The following NELL1 variants were observed in gnomAD, a reference collection of about 807,000 sequenced individuals.
The protein encoded by NELL1 is protein kinase C-binding protein NELL1.
A neutral mutation model predicts 107.4 loss-of-function variants in NELL1; 76 were observed. The observed-to-expected ratio is 0.71, with a 90% confidence interval of 0.59 to 0.86. The LOEUF (loss-of-function observed/expected upper bound fraction) is 0.86, where lower values mean the gene tolerates loss of function less well. Ranked by LOEUF, NELL1 falls within the 40% of genes least tolerant of loss-of-function variation. The pLI, the probability that NELL1 is intolerant of heterozygous loss-of-function variation, is 0.00. For synonymous variants in NELL1, 353 were observed against 341.2 expected (o/e 1.03, Z -0.38); for missense variants, 1,024 against 1,005.5 (o/e 1.02, Z -0.25).
At chr11:21,443,505 T>A (rs971644615) in intron 15 of NELL1, among the ~76,000 whole-genome samples, 1 of 125,204 alleles carries the variant, frequency 8.0e-6, no homozygotes, top group Non-Finnish European at 1.6e-5. Context: ...GAAAAAAAAA[T>A]AATATCCATA....
intron 5 of NELL1, among the ~76,000 whole-genome samples, chr11:20,896,527 T>G (rs1849742049): frequency 6.6e-6 from 1 of 152,188 alleles, no homozygotes; most frequent in Non-Finnish European, 1.5e-5. Flanking sequence ...ATTTCCACTT[T>G]TGGTTCTTTA....
Position 21,113,573 on chromosome 11 carries a change from AT to A in NELL1, c.1301-8del, listed in dbSNP as rs3834446. ...TATTTTGCTAACCATGATCTTACTT[AT>A]TTTTTTTCCTTCAGATATTGATGAG... is the stretch of plus-strand genomic sequence containing the variant. On this transcript the variant is annotated splice_polypyrimidine_tract_variant and intron_variant, in intron 12 of 19. Transcript: ENST00000357134. The A allele has an allele frequency of 3.7e-5, 59 of 1,602,600 alleles. 1 individual carries two copies. Among genetic ancestry groups the A allele is most frequent in the East Asian group, 2.7e-4 (12 of 44,504 alleles).
chr11:21,200,607 T>C (rs199683418), intron 13 of NELL1, among the ~76,000 whole-genome samples: 1 of 152,244 alleles, frequency 6.6e-6, no homozygotes, highest in Non-Finnish European at 1.5e-5. Flanking sequence ...GATGATAGTT[T>C]CTTTTGCTGT....
intron 12 of NELL1, among the ~76,000 whole-genome samples, chr11:21,025,729 GA>G (rs1452509281): frequency 6.6e-6 from 1 of 152,056 alleles, no homozygotes; most frequent in Admixed American, 6.6e-5. Context: ...GTTTACATCT[GA>G]TTTCAGCCTA....
rs143577170 is a variant in NELL1 at position 21,191,457 on chromosome 11, G to T, written c.1427-37875G>T. On this transcript the variant is annotated intron_variant, in intron 13 of 19. Transcript: ENST00000357134. Reference sequence around the variant, plus strand: ...AAGTCCGCCAAAAGAAAACAACACTGCCAGTACCTTTTTAGCCCAGTGAGA... The same window carrying T: ...AAGTCCGCCAAAAGAAAACAACACTTCCAGTACCTTTTTAGCCCAGTGAGA... 1.5e-3 allele frequency among the ~76,000 whole-genome samples: 225 copies of T among 151,922 alleles called. 7 individuals carry two copies. The highest frequency in any genetic ancestry group is 5.3e-3 in the African/African-American group (218 of 41,264).
chr11:21,537,072 G>C (rs543696139), intron 16 of NELL1, among the ~76,000 whole-genome samples: 2 of 152,134 alleles, frequency 1.3e-5, no homozygotes, highest in African/African-American at 4.8e-5. Context: ...TTGGGTAGTA[G>C]TCTGAATTTC....
At position 21,113,708 on chromosome 11, in the gene NELL1, T is replaced by C; in HGVS notation, c.1420T>C (p.Cys474Arg). 6.2e-7 allele frequency: 1 copy of C among 1,611,194 alleles called. No individual in the cohort carries two copies. The highest frequency in any genetic ancestry group is 1.3e-5 in the African/African-American group (1 of 74,870). ...PGYIRVDDFS[C>R]TEHDECGSGQ... Reference sequence around the variant, plus strand: ...ATACATTCGTGTGGATGACTTCTCTTGTACAGGTGAGCTTTAAGAAGCAGT... The same window carrying C: ...ATACATTCGTGTGGATGACTTCTCTCGTACAGGTGAGCTTTAAGAAGCAGT... Residue 474 changes from cysteine to arginine, a missense_variant, in exon 13 of 20, where the codon TGT becomes CGT. Physicochemically the swap from Cys to Arg is radical, Grantham distance 180. Coordinates refer to ENST00000357134, the MANE Select transcript of NELL1 (RefSeq NM_006157.5).
intron 12 of NELL1, among the ~76,000 whole-genome samples, chr11:21,111,182 T>G (rs960966458): frequency 6.6e-6 from 1 of 152,100 alleles, no homozygotes; most frequent in Non-Finnish European, 1.5e-5. Flanking sequence ...TGTTGAAAGA[T>G]CTCACATCCT....
At chr11:21,012,808 G>C (rs78408326) in intron 12 of NELL1, among the ~76,000 whole-genome samples, 4,190 of 152,110 alleles carry the variant, frequency 0.028, 157 homozygotes, top group African/African-American at 0.087. Flanking sequence ...CCATTTACGA[G>C]TCTGAATGAT....
At chr11:21,189,276 T>C (rs1199615803) in intron 13 of NELL1, among the ~76,000 whole-genome samples, 1 of 151,972 alleles carries the variant, frequency 6.6e-6, no homozygotes, top group East Asian at 1.9e-4. Context: ...AGTCTCCTTC[T>C]GTTATGTGCA....
At chr11:21,195,401 A>C (rs1857130994) in intron 13 of NELL1, among the ~76,000 whole-genome samples, 1 of 152,108 alleles carries the variant, frequency 6.6e-6, no homozygotes, top group African/African-American at 2.4e-5. Flanking sequence ...GACTTTCAAG[A>C]TAAACCCCAT....
chr11:20,730,152 G>A (rs1789857497), intron 2 of NELL1, among the ~76,000 whole-genome samples: 2 of 152,168 alleles, frequency 1.3e-5, no homozygotes, highest in African/African-American at 2.4e-5. Context: ...GCAGATCCAA[G>A]TTTGATTCCT....
intron 2 of NELL1, chr11:20,769,528 T>A (rs534193414): frequency 6.6e-6 from 1 of 152,382 alleles, no homozygotes; most frequent in East Asian, 1.9e-4. Context: ...ACTGAGTCCA[T>A]CTTAATCACC....
intron 15 of NELL1, among the ~76,000 whole-genome samples, chr11:21,500,413 C>A (rs1855105733): frequency 6.6e-6 from 1 of 152,064 alleles, no homozygotes; most frequent in Admixed American, 6.6e-5. Flanking sequence ...TTTATGAGAT[C>A]TAATGATTAT....
chr11:21,390,933 C>T (rs761744987), intron 15 of NELL1, among the ~76,000 whole-genome samples: 7 of 151,546 alleles, frequency 4.6e-5, no homozygotes, highest in Non-Finnish European at 1.0e-4. Context: ...TTTTTTTCAA[C>T]ATCATCTCTT....
chr11:20,917,991 A>G (rs1850294112), intron 5 of NELL1, among the ~76,000 whole-genome samples, 191 bp from the exon 6 acceptor site: 1 of 151,996 alleles, frequency 6.6e-6, no homozygotes, highest in Non-Finnish European at 1.5e-5. Context: ...TTCTCCACAT[A>G]AATGTACAAT....
rs1045752477 is a variant in NELL1, at chr11:21,097,803, T to A, written c.1301-15786T>A. Among the ~76,000 whole-genome samples the A allele has an allele frequency of 5.3e-5, 8 of 152,190 alleles. No individual in the cohort carries two copies. In the East Asian group the frequency reaches 1.2e-3, roughly 22 times the overall value. On this transcript the variant is annotated intron_variant, in intron 12 of 19. Coordinates refer to ENST00000357134, the MANE Select transcript of NELL1 (RefSeq NM_006157.5). ...TGTGTTAAAACTGCATGAGTTATCA[T>A]GTCATTTCCTAGCTTAAAAACTTAA...
At chr11:20,873,893 A>T (rs1002942275) in intron 4 of NELL1, among the ~76,000 whole-genome samples, 1 of 151,426 alleles carries the variant, frequency 6.6e-6, no homozygotes, top group African/African-American at 2.4e-5. Flanking sequence ...CCTCCCCAGT[A>T]GCTTGGGCTA....
intron 1 of NELL1, chr11:20,671,433 C>G (rs1853906663): frequency 6.6e-6 from 1 of 152,218 alleles, no homozygotes; most frequent in Non-Finnish European, 1.5e-5. Flanking sequence ...CACATCACTA[C>G]GGAATATGCC....
Sources: allele counts gnomAD v4.1 joint callset (sites outside exome capture counted in the v4.1 genomes callset), GRCh38; gene constraint gnomAD v4.1.1; transcripts MANE v1.5; gene names NCBI Gene and HGNC (gene_info 2026-07-23, HGNC 2026-07-21).